NFATC3: variants seen among roughly 807,000 people sequenced by gnomAD.
NFATC3 encodes nuclear factor of activated T cells 3, also known as nuclear factor of activated T-cells, cytoplasmic 3.
A neutral mutation model predicts 98.6 loss-of-function variants in NFATC3; 46 were observed. The ratio of observed to expected loss-of-function variants is 0.47; its 90% CI spans 0.37 to 0.60. NFATC3 has a LOEUF of 0.60. Ranked by LOEUF, NFATC3 falls within the 20% of genes least tolerant of loss-of-function variation. NFATC3 has a pLI of 0.00. For missense variants in NFATC3, 1,256 were observed against 1,295.5 expected (o/e 0.97, Z 0.47); for synonymous variants, 512 against 472.2 (o/e 1.08, Z -1.09).
intron 1 of NFATC3, among the ~76,000 whole-genome samples, chr16:68,097,075 G>A (rs1374508404): frequency 6.6e-6 from 1 of 152,126 alleles, no homozygotes; most frequent in Non-Finnish European, 1.5e-5. Context: ...AGATTTACAG[G>A]AAAGAAATCA....
chr16:68,187,741 G>A (rs377220193), intron 8 of NFATC3, among the ~76,000 whole-genome samples: 9 of 152,260 alleles, frequency 5.9e-5, no homozygotes, highest in African/African-American at 1.7e-4. Flanking sequence ...GGTTTTATAT[G>A]GGCTTCAGAG....
In NFATC3 at chr16:68,123,543, G is replaced by A. The variant is rs555602320; in HGVS notation, c.1238+422G>A. 8.6e-5 allele frequency among the ~76,000 whole-genome samples: 13 copies of A among 150,364 alleles called. No homozygotes were observed. The South Asian group carries it at 2.7e-3, about 32-fold the overall frequency. On this transcript the variant is annotated intron_variant, in intron 2 of 9. Coordinates refer to ENST00000346183, the MANE Select transcript of NFATC3 (RefSeq NM_173165.3). ...TAACCAGGCATAGTGATGTCTGCCT[G>A]TAGTCCTAGCTGCTTGGGAGGCTGA...
At chr16:68,211,422 G>A (rs2041386510) in intron 9 of NFATC3, among the ~76,000 whole-genome samples, 2 of 151,540 alleles carry the variant, frequency 1.3e-5, no homozygotes, top group African/African-American at 4.9e-5. Flanking sequence ...TCCTGACCTT[G>A]TGATCCTCCC....
chr16:68,203,036 A>G (rs1265945237), intron 9 of NFATC3, among the ~76,000 whole-genome samples: 1 of 152,146 alleles, frequency 6.6e-6, no homozygotes, highest in Non-Finnish European at 1.5e-5. Flanking sequence ...AAACGTGTTT[A>G]GGATGAATGA....
intron 1 of NFATC3, 102 bp downstream of exon 1, chr16:68,085,886 C>CTG (rs151338754): frequency 9.2e-5 from 83 of 900,110 alleles, no homozygotes; most frequent in Admixed American, 6.6e-4. Flanking sequence ...ACCGATAACC[C>CTG]TGTGTGTGTG....
intron 6 of NFATC3, among the ~76,000 whole-genome samples, chr16:68,179,594 CT>C (rs1374684854): frequency 6.6e-6 from 1 of 152,206 alleles, no homozygotes; most frequent in Non-Finnish European, 1.5e-5. Context: ...GGCTTAGTCA[CT>C]GGGTGAATGC....
At chr16:68,095,136 G>A (rs927953946) in intron 1 of NFATC3, among the ~76,000 whole-genome samples, 4 of 152,014 alleles carry the variant, frequency 2.6e-5, no homozygotes. Context: ...CTGGGAGGGG[G>A]TCAACCAAAA....
At chr16:68,086,233 GTTTT>G (rs1298446784) in intron 1 of NFATC3, among the ~76,000 whole-genome samples, 7 of 152,122 alleles carry the variant, frequency 4.6e-5, no homozygotes, top group Admixed American at 1.3e-4. Flanking sequence ...TCAGGCACGT[GTTTT>G]TTTAAGTCTA....
chr16:68,166,806 C>A, intron 4 of NFATC3, 37 bp from the exon 5 acceptor site: 1 of 1,501,098 alleles, frequency 6.7e-7, no homozygotes, highest in Non-Finnish European at 9.1e-7. Context: ...CCATGATTAT[C>A]AATAAACAAA....
intron 1 of NFATC3, among the ~76,000 whole-genome samples, chr16:68,117,086 A>C (rs537022933): frequency 9.2e-5 from 14 of 152,298 alleles, no homozygotes; most frequent in African/African-American, 3.4e-4. Context: ...ATGGGATCTA[A>C]AATTGAGTAG....
At chr16:68,202,814 A>G (rs2040982401) in intron 9 of NFATC3, among the ~76,000 whole-genome samples, 5 of 151,686 alleles carry the variant, frequency 3.3e-5, no homozygotes, top group Admixed American at 3.3e-4. Context: ...CTCCATCTCA[A>G]AATAAATAAA....
intron 1 of NFATC3, chr16:68,086,048 G>A (rs947773869): frequency 5.7e-5 from 22 of 386,504 alleles, no homozygotes; most frequent in African/African-American, 3.4e-4. Flanking sequence ...GGAGGCCCAG[G>A]GTCCGGGCTG....
rs575944250 is a variant in NFATC3, at chr16:68,116,132, A to G, written c.104-5855A>G. Among the ~76,000 whole-genome samples, 7 of 152,288 alleles carry G rather than the reference A, an allele frequency of 4.6e-5. No individual in the cohort carries two copies. In the East Asian group the frequency reaches 1.4e-3, roughly 30 times the overall value. The stretch of plus-strand genomic sequence containing the variant: ...AAATGAATGAGCATGGTTGTGTTTC[A>G]GTAAAACGTTATTTATGGATACCAG... On this transcript the variant is annotated intron_variant, in intron 1 of 9. Transcript: ENST00000346183.
chr16:68,105,873 A>T (rs916208264), intron 1 of NFATC3, among the ~76,000 whole-genome samples: 3 of 151,874 alleles, frequency 2.0e-5, no homozygotes, highest in African/African-American at 7.3e-5. Flanking sequence ...ACGATTGTTC[A>T]TAGTATTCTT....
intron 9 of NFATC3, among the ~76,000 whole-genome samples, chr16:68,207,107 C>T (rs1358310513): frequency 1.3e-5 from 2 of 150,602 alleles, no homozygotes; most frequent in Admixed American, 6.6e-5. Flanking sequence ...GTCAGGAGTT[C>T]GAGACCAGCC....
intron 6 of NFATC3, among the ~76,000 whole-genome samples, chr16:68,176,350 C>CTTTTTTTTT (rs534346720): frequency 6.9e-6 from 1 of 143,890 alleles, no homozygotes; most frequent in Admixed American, 7.0e-5. Context: ...TGCTCAACAT[C>CTTTTTTTTT]TTTTTTTTTT....
intron 1 of NFATC3, among the ~76,000 whole-genome samples, chr16:68,118,482 C>T (rs1419017595): frequency 6.6e-6 from 1 of 152,158 alleles, no homozygotes; most frequent in East Asian, 1.9e-4. Context: ...TTCTGGGATG[C>T]TGCATTCTTT....
chr16:68,166,900 A>G lies in NFATC3; in HGVS notation c.1659A>G (p.Gly553=). ...ATTCAGATATAGAACTTCGAAAAGGAGAAACTGATATTGGCAGAAAGAATA... is the reference window on the plus strand; with the variant it reads ...ATTCAGATATAGAACTTCGAAAAGGGGAAACTGATATTGGCAGAAAGAATA... The part of the protein sequence containing the change: ...LRNSDIELRK[G]ETDIGRKNTR... Residue 553 remains glycine (G), a synonymous_variant, in exon 5 of 10, where the codon GGA becomes GGG. Coordinates refer to ENST00000346183, the MANE Select transcript of NFATC3 (RefSeq NM_173165.3). 1 of 1,614,142 alleles carries G rather than the reference A, an allele frequency of 6.2e-7. No individual in the cohort carries two copies. The highest frequency in any genetic ancestry group is 1.1e-5 in the South Asian group (1 of 91,082).
chr16:68,225,567 A>G (rs935215653), intron 9 of NFATC3: 3 of 152,138 alleles, frequency 2.0e-5, no homozygotes, highest in Non-Finnish European at 4.4e-5. Context: ...AGACATTTGG[A>G]TTGTTTCCAC....
Sources: gnomAD v4.1 joint callset for allele counts (sites outside exome capture counted in the v4.1 genomes callset) on GRCh38, gnomAD v4.1.1 for gene constraint, MANE v1.5 for transcripts, NCBI Gene and HGNC (gene_info 2026-07-23, HGNC 2026-07-21) for gene names.